PALLD: variants seen among roughly 807,000 people sequenced by gnomAD.
PALLD encodes the protein palladin.
Under a neutral mutation model 123.5 loss-of-function variants are expected in PALLD, and 61 were observed. The ratio of observed to expected loss-of-function variants is 0.49; its 90% CI spans 0.40 to 0.61. The LOEUF (loss-of-function observed/expected upper bound fraction) is 0.61, where lower values mean the gene tolerates loss of function less well. Ranked by LOEUF, PALLD falls within the 20% of genes least tolerant of loss-of-function variation. The pLI is 0.00. For missense variants in PALLD, 1,273 were observed against 1,377.0 expected (o/e 0.92, Z 1.20); for synonymous variants, 465 against 496.4 (o/e 0.94, Z 0.84).
In PALLD at chr4:168,536,207, C is replaced by T. The variant is rs375352364; in HGVS notation, c.908+23795C>T. Among the ~76,000 whole-genome samples the T allele has an allele frequency of 1.8e-3, 280 of 152,286 alleles. 1 individual carries two copies. The highest frequency in any genetic ancestry group is 6.4e-3 in the African/African-American group (265 of 41,558). ...CCTGACTTCTGATGTTCCACTTCTG[C>T]CTGTCCTTTAACCCAAATAGATTCC... On this transcript the variant is annotated intron_variant, in intron 2 of 21. Coordinates refer to ENST00000505667, the MANE Select transcript of PALLD (RefSeq NM_001166108.2).
intron 10 of PALLD, among the ~76,000 whole-genome samples, chr4:168,761,527 C>T (rs553988066): frequency 6.6e-6 from 1 of 152,156 alleles, no homozygotes; most frequent in Non-Finnish European, 1.5e-5. Context: ...ATGGTGCAGT[C>T]TCAGCTCACT....
chr4:168,590,383 G>T (rs971492950), intron 2 of PALLD, among the ~76,000 whole-genome samples: 4 of 152,088 alleles, frequency 2.6e-5, no homozygotes, highest in African/African-American at 9.7e-5. Context: ...CTCAATATCC[G>T]CTTATCCCCA....
chr4:168,576,562 G>A (rs1242679774), intron 2 of PALLD, among the ~76,000 whole-genome samples: 5 of 152,134 alleles, frequency 3.3e-5, no homozygotes. Flanking sequence ...CAAAGGACAT[G>A]AACTCATCAT....
rs2150457901 is a variant in PALLD at position 168,763,674 on chromosome 4, T to G, written c.1964+51751T>G. ...AAGCTGACTTCTACTCTGAGTGAGT[T>G]AAGAACCTCAGGGCTGCTCTGGGAT... On this transcript the variant is annotated intron_variant, in intron 10 of 21. Transcript: ENST00000505667. Among the ~76,000 whole-genome samples, 3 of 152,276 alleles carry G rather than the reference T, an allele frequency of 2.0e-5. No individual in the cohort carries two copies. In the Middle Eastern group the frequency reaches 0.01, roughly 518 times the overall value.
intron 10 of PALLD, among the ~76,000 whole-genome samples, chr4:168,748,210 C>A (rs11132458): frequency 0.52 from 79,336 of 152,002 alleles, 20,844 homozygotes; most frequent in East Asian, 0.63. Context: ...GGGTCTAAAA[C>A]TGTGGTCCTC....
intron 4 of PALLD, 136 bp downstream of exon 4, chr4:168,681,534 A>G (rs1781543975): frequency 3.7e-6 from 2 of 547,588 alleles, no homozygotes; most frequent in Admixed American, 2.9e-5. Flanking sequence ...CTGAGGTTGG[A>G]ACACAATTTT....
At chr4:168,727,706 A>G (rs191904536) in intron 10 of PALLD, among the ~76,000 whole-genome samples, 1 of 152,218 alleles carries the variant, frequency 6.6e-6, no homozygotes, top group East Asian at 1.9e-4. Context: ...GAAGTTCTTT[A>G]GTTTAATTAG....
intron 10 of PALLD, among the ~76,000 whole-genome samples, chr4:168,863,367 C>CA (rs1434998833): frequency 6.6e-6 from 1 of 152,090 alleles, no homozygotes; most frequent in African/African-American, 2.4e-5. Context: ...TCTCACCCTC[C>CA]AAAAAACAGG....
intron 10 of PALLD, among the ~76,000 whole-genome samples, chr4:168,791,511 A>T (rs527514094): frequency 6.6e-6 from 1 of 152,298 alleles, no homozygotes; most frequent in African/African-American, 2.4e-5. Context: ...CGCAGGAGGA[A>T]CTACCACACA....
At chr4:168,753,951 T>C (rs1342759747) in intron 10 of PALLD, among the ~76,000 whole-genome samples, 1 of 152,152 alleles carries the variant, frequency 6.6e-6, no homozygotes. Flanking sequence ...GCCAATAAAT[T>C]TTGAGGTAAT....
chr4:168,656,296 C>T (rs1317280421), intron 2 of PALLD, among the ~76,000 whole-genome samples: 2 of 134,588 alleles, frequency 1.5e-5, no homozygotes, highest in African/African-American at 5.6e-5. Flanking sequence ...TACAAATTTT[C>T]ACAATGTAGG....
intron 2 of PALLD, among the ~76,000 whole-genome samples, chr4:168,645,748 T>C (rs1424478719): frequency 1.3e-5 from 2 of 152,182 alleles, no homozygotes; most frequent in African/African-American, 2.4e-5. Context: ...TGTAAGCTTA[T>C]TAAAGGAGCT....
chr4:168,901,354 C>A (rs193211514), intron 14 of PALLD, among the ~76,000 whole-genome samples: 2 of 152,286 alleles, frequency 1.3e-5, no homozygotes, highest in East Asian at 3.9e-4. Context: ...TTACCCTGTT[C>A]TCGTGCTTGT....
intron 3 of PALLD, among the ~76,000 whole-genome samples, chr4:168,680,955 A>G (rs1238750917): frequency 6.6e-6 from 1 of 152,214 alleles, no homozygotes; most frequent in Non-Finnish European, 1.5e-5. Flanking sequence ...CTTACCCTGC[A>G]ATCTCTGGAG....
At chr4:168,598,463 G>A (rs1772211281) in intron 2 of PALLD, 1 of 600,648 alleles carries the variant, frequency 1.7e-6, no homozygotes, top group Non-Finnish European at 3.3e-6. Context: ...ACTGGTAACT[G>A]CAAAGGTGTT....
chr4:168,721,399 T>C (rs546851988), intron 10 of PALLD, among the ~76,000 whole-genome samples: 14 of 152,176 alleles, frequency 9.2e-5, no homozygotes, highest in African/African-American at 3.1e-4. Context: ...AACAATATAG[T>C]GTTAAGTGAA....
intron 10 of PALLD, among the ~76,000 whole-genome samples, chr4:168,872,320 T>G (rs1751193351): frequency 6.6e-6 from 1 of 152,376 alleles, no homozygotes; most frequent in South Asian, 2.1e-4. Context: ...TCAAGTCATG[T>G]GCTGATTTCA....
In PALLD at chr4:168,858,114, C is replaced by CAT. The variant is rs1748873075; in HGVS notation, c.1965-32808_1965-32807insAT. Among the ~76,000 whole-genome samples the CAT allele has an allele frequency of 2.0e-5, 3 of 152,242 alleles. No individual in the cohort carries two copies. The South Asian group carries it at 6.2e-4, about 32-fold the overall frequency. On this transcript the variant is annotated intron_variant, in intron 10 of 21. Transcript: ENST00000505667. ...AAATTTCAGATTTGAAGAAGTTTTC[C>CAT]TAATAAGGAAGAATGATGTAATTTT...
At chr4:168,828,095 T>A (rs1449396575) in intron 10 of PALLD, among the ~76,000 whole-genome samples, 2 of 152,196 alleles carry the variant, frequency 1.3e-5, no homozygotes, top group Non-Finnish European at 2.9e-5. Context: ...AAGATCCTGA[T>A]GCTGACCTGA....
Sources: gnomAD v4.1 joint callset for allele counts (sites outside exome capture counted in the v4.1 genomes callset) on GRCh38, gnomAD v4.1.1 for gene constraint, MANE v1.5 for transcripts, NCBI Gene and HGNC (gene_info 2026-07-23, HGNC 2026-07-21) for gene names.